AP3B1: variants seen among roughly 807,000 people sequenced by gnomAD.
The protein encoded by AP3B1 is AP-3 complex subunit beta-1.
A neutral mutation model predicts 132.5 loss-of-function variants in AP3B1; 61 were observed. The observed-to-expected ratio is 0.46, with a 90% CI of 0.37 to 0.57. The LOEUF (loss-of-function observed/expected upper bound fraction) is 0.57, where lower values mean the gene tolerates loss of function less well. AP3B1 is among the 20% of genes least tolerant of loss of function. The probability of loss-of-function intolerance (pLI) is 0.00; values close to 1 mark genes in which losing one functional copy is unlikely to be tolerated. For missense variants in AP3B1, 1,120 were observed against 1,289.4 expected (o/e 0.87, Z 2.01); for synonymous variants, 388 against 438.3 (o/e 0.89, Z 1.43).
At chr5:78,159,142 G>T (rs1453056471) in intron 13 of AP3B1, among the ~76,000 whole-genome samples, 8 of 152,140 alleles carry the variant, frequency 5.3e-5, no homozygotes, top group Admixed American at 3.3e-4. Context: ...GCAAAATTTG[G>T]TAAGTGTGGT....
chr5:78,258,618 G>A (rs138683709), intron 2 of AP3B1, among the ~76,000 whole-genome samples: 76 of 152,294 alleles, frequency 5.0e-4, no homozygotes, highest in African/African-American at 1.8e-3. Context: ...AACCACTATG[G>A]AAAACAGTTT....
chr5:78,289,798 G>A (rs569527328), intron 1 of AP3B1, among the ~76,000 whole-genome samples: 11 of 151,944 alleles, frequency 7.2e-5, no homozygotes, highest in African/African-American at 2.2e-4. Flanking sequence ...CTGCCTTCTC[G>A]TCTAACAAGA....
At chr5:78,140,649 C>T (rs1753106362) in intron 15 of AP3B1, among the ~76,000 whole-genome samples, 1 of 152,206 alleles carries the variant, frequency 6.6e-6, no homozygotes, top group African/African-American at 2.4e-5. Flanking sequence ...CTAATACCAT[C>T]ACATGGGTGA....
intron 22 of AP3B1, among the ~76,000 whole-genome samples, chr5:78,075,740 T>TG (rs1164189891): frequency 1.3e-5 from 2 of 152,152 alleles, no homozygotes; most frequent in African/African-American, 4.8e-5. Context: ...TATAAATCCA[T>TG]GGGGAGCTGA....
chr5:78,222,060 T>G (rs190665061), intron 6 of AP3B1: 1 of 152,016 alleles, frequency 6.6e-6, no homozygotes, highest in African/African-American at 2.4e-5. Context: ...GCAAGAGAAA[T>G]TAGAGTTCTA....
At chr5:78,267,685 T>C (rs1196090713) in intron 1 of AP3B1, 90 bp from the exon 2 acceptor site, 5 of 796,398 alleles carry the variant, frequency 6.3e-6, no homozygotes, top group Non-Finnish European at 9.9e-6. Flanking sequence ...TTAGAAGTAA[T>C]ATCATGGGCA....
chr5:78,050,514 G>C (rs1748536333), intron 22 of AP3B1, among the ~76,000 whole-genome samples: 1 of 150,096 alleles, frequency 6.7e-6, no homozygotes, highest in South Asian at 2.1e-4. Flanking sequence ...AGCCTTATAG[G>C]AACACACTGT....
In AP3B1 at chr5:78,293,465, C is replaced by G. The variant is rs541173271; in HGVS notation, c.128+987G>C. Among the ~76,000 whole-genome samples, 7 of 152,262 alleles carry G rather than the reference C, an allele frequency of 4.6e-5. No individual in the cohort carries two copies. In the East Asian group the frequency reaches 1.3e-3, roughly 29 times the overall value. ...ATATGATTTTGATCCTCAATACAGC[C>G]AAAATGTAATCCCAATTTGAAGTAG... On this transcript the variant is annotated intron_variant, in intron 1 of 26. Coordinates refer to ENST00000255194, the MANE Select transcript of AP3B1 (RefSeq NM_003664.5).
At chr5:78,124,682 A>C (rs1363233) in intron 17 of AP3B1, among the ~76,000 whole-genome samples, 43,486 of 152,136 alleles carry the variant, frequency 0.29, 6,526 homozygotes, top group Admixed American at 0.41. Flanking sequence ...TGCTTATATA[A>C]GATCAGCAGT....
In AP3B1 at chr5:78,181,614, C is replaced by T. The variant is rs751922416; in HGVS notation, c.835G>A (p.Asp279Asn). 6.2e-7 allele frequency: 1 copy of T among 1,611,546 alleles called. No homozygotes were observed. Among genetic ancestry groups the T allele is most frequent in the Non-Finnish European group, 8.5e-7 (1 of 1,178,614 alleles). The change falls in exon 8 of 27, where the codon GAT (aspartate) becomes AAT (asparagine). Residue 279 changes from aspartate (D) to asparagine (N), a missense_variant. Asp to Asn is a conservative substitution (Grantham distance 23). Coordinates refer to ENST00000255194, the MANE Select transcript of AP3B1 (RefSeq NM_003664.5). Reference protein sequence around the residue: ...NGKNFYESDDDQKEKTDKKKK... With the variant: ...NGKNFYESDDNQKEKTDKKKK... ...TTTTTGTCAGTCTTTTCCTTCTGAT[C>T]ATCATCAGATTCGTAGAAATTCTTT...
At chr5:78,101,373 C>A (rs1751118885) in intron 20 of AP3B1, 1 of 445,898 alleles carries the variant, frequency 2.2e-6, no homozygotes, top group Admixed American at 2.6e-5. Context: ...TTGAAAATAA[C>A]TTTTAAACAG....
At chr5:78,184,437 C>CA (rs987711399) in intron 7 of AP3B1, among the ~76,000 whole-genome samples, 9 of 151,886 alleles carry the variant, frequency 5.9e-5, no homozygotes, top group African/African-American at 2.2e-4. Flanking sequence ...CCTGTAATCC[C>CA]AGCACTTTGG....
At chr5:78,219,129 A>T (rs1424281247) in intron 6 of AP3B1, among the ~76,000 whole-genome samples, 1 of 152,116 alleles carries the variant, frequency 6.6e-6, no homozygotes, top group Non-Finnish European at 1.5e-5. Context: ...AAAATCAAAA[A>T]GAGGAAATTT....
At chr5:78,003,974 A>C (rs957048560) in intron 26 of AP3B1, among the ~76,000 whole-genome samples, 10 of 152,170 alleles carry the variant, frequency 6.6e-5, no homozygotes, top group African/African-American at 2.4e-4. Context: ...CATGTTCCAC[A>C]CACTTTTTGG....
At chr5:78,209,997 C>A (rs1745667714) in intron 7 of AP3B1, among the ~76,000 whole-genome samples, 1 of 152,072 alleles carries the variant, frequency 6.6e-6, no homozygotes, top group South Asian at 2.1e-4. Context: ...AGAGAGGAGA[C>A]ATTATTTCAA....
chr5:78,121,414 T>C (rs1752186584), intron 17 of AP3B1, among the ~76,000 whole-genome samples: 1 of 152,154 alleles, frequency 6.6e-6, no homozygotes, highest in African/African-American at 2.4e-5. Context: ...GAGCTGCTTT[T>C]TTGAAAAGAT....
chr5:78,286,194 G>A (rs1015689464), intron 1 of AP3B1, among the ~76,000 whole-genome samples: 2 of 152,104 alleles, frequency 1.3e-5, no homozygotes, highest in African/African-American at 4.8e-5. Flanking sequence ...TTAAAAACTT[G>A]CAGAAAACCC....
chr5:78,066,845 G>A (rs778941475), intron 22 of AP3B1, among the ~76,000 whole-genome samples: 5 of 151,612 alleles, frequency 3.3e-5, no homozygotes, highest in Non-Finnish European at 5.9e-5. Flanking sequence ...TGAGAAGATC[G>A]ACCCCAAGAC....
chr5:78,155,330 G>A (rs990765075), intron 14 of AP3B1, among the ~76,000 whole-genome samples: 6 of 152,132 alleles, frequency 3.9e-5, no homozygotes, highest in African/African-American at 1.2e-4. Context: ...CGGTGACACC[G>A]GCAATTCAAG....
Sources: gnomAD v4.1 joint callset for allele counts (sites outside exome capture counted in the v4.1 genomes callset) on GRCh38, gnomAD v4.1.1 for gene constraint, MANE v1.5 for transcripts, NCBI Gene and HGNC (gene_info 2026-07-23, HGNC 2026-07-21) for gene names.